Variants in SGTB observed in about 807,000 individuals in gnomAD.
SGTB encodes the protein small glutamine rich tetratricopeptide repeat co-chaperone beta.
SGTB carries 19 observed loss-of-function variants against 43.9 expected under a neutral mutation model. The ratio of observed to expected loss-of-function variants is 0.43; its 90% CI spans 0.30 to 0.63. SGTB has a LOEUF of 0.63. Among genes scored for constraint, SGTB ranks in the 30% least tolerant of loss-of-function variants. The probability of loss-of-function intolerance (pLI) is 0.12; values close to 1 mark genes in which losing one functional copy is unlikely to be tolerated. For synonymous variants in SGTB, 116 were observed against 117.3 expected (o/e 0.99, Z 0.07); for missense variants, 304 against 358.9 (o/e 0.85, Z 1.24).
intron 5 of SGTB, among the ~76,000 whole-genome samples, chr5:65,688,701 G>A (rs1426140355): frequency 6.6e-6 from 1 of 152,204 alleles, no homozygotes; most frequent in African/African-American, 2.4e-5. Flanking sequence ...CATACTCTGA[G>A]CATCTGGAAT....
intron 10 of SGTB, 93 bp from the exon 11 acceptor site, chr5:65,670,450 A>G (rs527697886): frequency 2.0e-6 from 2 of 1,011,606 alleles, no homozygotes; most frequent in East Asian, 2.4e-5. Flanking sequence ...AGCTACCTAA[A>G]GGGGGCTTTT....
intron 5 of SGTB, among the ~76,000 whole-genome samples, chr5:65,703,836 G>C (rs1372262867): frequency 6.6e-6 from 1 of 152,104 alleles, no homozygotes; most frequent in East Asian, 1.9e-4. Flanking sequence ...AGGGGATCGA[G>C]ACCATCCTGG....
intron 5 of SGTB, among the ~76,000 whole-genome samples, chr5:65,691,667 G>A (rs1335018665): frequency 6.7e-6 from 1 of 149,492 alleles, no homozygotes; most frequent in Non-Finnish European, 1.5e-5. Context: ...CAGGCCGGGC[G>A]CAGTGCCTCA....
chr5:65,703,152 T>C (rs1757854094), intron 5 of SGTB, among the ~76,000 whole-genome samples: 1 of 152,106 alleles, frequency 6.6e-6, no homozygotes, highest in Non-Finnish European at 1.5e-5. Flanking sequence ...TATGATAATA[T>C]TGAAAAAAAA....
At chr5:65,671,141 T>C (rs938009138) in intron 10 of SGTB, among the ~76,000 whole-genome samples, 8 of 152,220 alleles carry the variant, frequency 5.3e-5, no homozygotes, top group South Asian at 2.1e-4. Context: ...TAAATTGATA[T>C]ATATTTTAAG....
At chr5:65,712,320 G>A (rs1291368129) in intron 3 of SGTB, among the ~76,000 whole-genome samples, 1 of 152,160 alleles carries the variant, frequency 6.6e-6, no homozygotes, top group Non-Finnish European at 1.5e-5. Context: ...CCACATGTGG[G>A]AGCCCTAAAC....
At chr5:65,704,017 G>A (rs1757872412) in intron 5 of SGTB, among the ~76,000 whole-genome samples, 3 of 141,286 alleles carry the variant, frequency 2.1e-5, no homozygotes, top group Admixed American at 7.4e-5. Flanking sequence ...CAGCCTGGGT[G>A]ACAGTGAGAC....
At chr5:65,692,372 T>G (rs1757630440) in intron 5 of SGTB, among the ~76,000 whole-genome samples, 2 of 152,168 alleles carry the variant, frequency 1.3e-5, no homozygotes, top group South Asian at 2.1e-4. Context: ...GAACAATAGA[T>G]CTGGTGGTCA....
At chr5:65,684,296 C>G (rs1442152059) in intron 6 of SGTB, among the ~76,000 whole-genome samples, 1 of 151,990 alleles carries the variant, frequency 6.6e-6, no homozygotes, top group Non-Finnish European at 1.5e-5. Flanking sequence ...GTTGCCCAGG[C>G]TGGTCTTGAA....
intron 2 of SGTB, among the ~76,000 whole-genome samples, chr5:65,718,808 T>G (rs577181116): frequency 6.6e-6 from 1 of 152,278 alleles, no homozygotes; most frequent in East Asian, 1.9e-4. Flanking sequence ...AAGGCACATA[T>G]TTTTGGCTGA....
At chr5:65,708,457 C>A in intron 4 of SGTB, 32 bp downstream of exon 4, 3 of 1,591,080 alleles carry the variant, frequency 1.9e-6, no homozygotes, top group Non-Finnish European at 2.6e-6. Flanking sequence ...GAAAGCTTTA[C>A]TAAGTAAGTC....
At chr5:65,710,052 A>AT (rs764997336) in intron 3 of SGTB, among the ~76,000 whole-genome samples, 1 of 151,650 alleles carries the variant, frequency 6.6e-6, no homozygotes, top group Non-Finnish European at 1.5e-5. Flanking sequence ...TCTTGTCCTT[A>AT]TTTTTTTTTA....
intron 4 of SGTB, among the ~76,000 whole-genome samples, chr5:65,706,029 C>T (rs1447342029): frequency 6.6e-6 from 1 of 151,674 alleles, no homozygotes; most frequent in African/African-American, 2.4e-5. Context: ...GAGTGAGACC[C>T]TGTCTCAAGA....
At chr5:65,686,589 G>A (rs1757504558) in intron 5 of SGTB, among the ~76,000 whole-genome samples, 1 of 151,434 alleles carries the variant, frequency 6.6e-6, no homozygotes, top group Admixed American at 6.6e-5. Context: ...GAACTCCTGG[G>A]CTCATGCTAT....
intron 6 of SGTB, among the ~76,000 whole-genome samples, chr5:65,682,176 T>C (rs943774874): frequency 6.6e-6 from 1 of 151,996 alleles, no homozygotes; most frequent in Admixed American, 6.6e-5. Flanking sequence ...GTAGTGGAAA[T>C]AGCAGTAAAC....
intron 5 of SGTB, among the ~76,000 whole-genome samples, chr5:65,701,438 G>A (rs971360082): frequency 1.6e-4 from 25 of 151,970 alleles, no homozygotes; most frequent in African/African-American, 6.0e-4. Flanking sequence ...AATGGGGAGA[G>A]CTTTAAGTCT....
chr5:65,668,841 G>A lies in SGTB; in HGVS notation c.*1405C>T, dbSNP rs1301021681. 6.6e-6 allele frequency: 1 copy of A among 152,042 alleles called. No homozygotes were observed. Among genetic ancestry groups the A allele is most frequent in the African/African-American group, 2.4e-5 (1 of 41,404 alleles). The allele number at this position is 152,042 out of a possible 1,614,324, so 9.4% of individuals were successfully genotyped here. Reference sequence around the variant, plus strand: ...GAGAATCACTTGAATCCAGGAGGTGGAGGTTGCAGTGAGCTGACATTGCAA... The same window carrying A: ...GAGAATCACTTGAATCCAGGAGGTGAAGGTTGCAGTGAGCTGACATTGCAA... On this transcript the variant is annotated 3_prime_UTR_variant, in exon 11 of 11. Transcript: ENST00000381007.
At chr5:65,673,848 G>C (rs1757210655) in intron 8 of SGTB, among the ~76,000 whole-genome samples, 1 of 152,112 alleles carries the variant, frequency 6.6e-6, no homozygotes, top group Non-Finnish European at 1.5e-5. Flanking sequence ...TAGAGACGGG[G>C]TTTCGCCAGG....
Position 65,666,672 on chromosome 5 carries a change from A to C in SGTB, c.*3574T>G, listed in dbSNP as rs1332076970. The C allele has an allele frequency of 6.6e-6, 1 of 152,200 alleles. No homozygotes were observed. The highest frequency in any genetic ancestry group is 1.5e-5 in the Non-Finnish European group (1 of 68,002). 9.4% of individuals were successfully genotyped at this position (152,200 alleles called of 1,614,324 possible). A position where few individuals can be genotyped will look rare whatever the true frequency, so the allele number is the denominator to read the frequency against. On this transcript the variant is annotated 3_prime_UTR_variant, in exon 11 of 11. Transcript: ENST00000381007. ...GCAATGCTATGATTCCAAAGTGATC[A>C]AGGTACTTGAAGAGCAAAAATGGCT... is the stretch of plus-strand genomic sequence containing the variant.
Sources: allele counts gnomAD v4.1 joint callset (sites outside exome capture counted in the v4.1 genomes callset), GRCh38; gene constraint gnomAD v4.1.1; transcripts MANE v1.5; gene names NCBI Gene and HGNC (gene_info 2026-07-23, HGNC 2026-07-21).